Variants in RCOR1 observed in about 807,000 individuals in gnomAD.
RCOR1 encodes the protein REST corepressor.
Under a neutral mutation model 64.0 loss-of-function variants are expected in RCOR1, and 12 were observed. That is an observed-to-expected ratio of 0.19 (90% CI 0.12 to 0.30). RCOR1 has a LOEUF of 0.30. Ranked by LOEUF, RCOR1 falls within the 10% of genes least tolerant of loss-of-function variation. RCOR1 has a pLI of 1.00. For missense variants in RCOR1, 502 were observed against 621.2 expected (o/e 0.81, Z 2.04); for synonymous variants, 279 against 227.2 (o/e 1.23, Z -2.05).
At chr14:102,597,817 ATT>A (rs563390894) in intron 2 of RCOR1, among the ~76,000 whole-genome samples, 2 of 135,282 alleles carry the variant, frequency 1.5e-5, no homozygotes, top group Non-Finnish European at 1.6e-5. Context: ...TATTTTTGCA[ATT>A]TTTTTTTTTT....
At chr14:102,720,864 C>T (rs1896156852) in intron 8 of RCOR1, 143 bp from the exon 9 acceptor site, 1 of 551,046 alleles carries the variant, frequency 1.8e-6, no homozygotes, top group African/African-American at 2.0e-5. Context: ...CAAAGGATAC[C>T]ATAGGGATCT....
intron 2 of RCOR1, among the ~76,000 whole-genome samples, chr14:102,664,476 T>C (rs992759432): frequency 1.3e-5 from 2 of 152,226 alleles, no homozygotes; most frequent in African/African-American, 4.8e-5. Flanking sequence ...TTGCAAATCA[T>C]AGTATTTTTG....
chr14:102,706,142 A>AAAC (rs1281591870), intron 4 of RCOR1, among the ~76,000 whole-genome samples: 10 of 138,644 alleles, frequency 7.2e-5, no homozygotes, highest in African/African-American at 2.7e-4. Context: ...AAAAAAAAAA[A>AAAC]CCTAAAAAAA....
chr14:102,634,601 C>CATGTGTGTGT (rs35215502), intron 2 of RCOR1, among the ~76,000 whole-genome samples: 37 of 150,724 alleles, frequency 2.5e-4, no homozygotes, highest in African/African-American at 9.1e-4. Context: ...GTTTATATTA[C>CATGTGTGTGT]GTGTGTGTGT....
At chr14:102,723,208 T>G (rs1187794588) in intron 11 of RCOR1, among the ~76,000 whole-genome samples, 3 of 152,252 alleles carry the variant, frequency 2.0e-5, no homozygotes, top group Non-Finnish European at 4.4e-5. Flanking sequence ...GAAAGTCACT[T>G]TCACATCAAA....
intron 2 of RCOR1, among the ~76,000 whole-genome samples, chr14:102,668,165 ACAT>A (rs1256436238): frequency 6.6e-6 from 1 of 152,202 alleles, no homozygotes; most frequent in African/African-American, 2.4e-5. Context: ...TAATTCCTCT[ACAT>A]CACATCCTCT....
intron 2 of RCOR1, among the ~76,000 whole-genome samples, chr14:102,649,227 G>C (rs1372951401): frequency 2.6e-5 from 4 of 152,130 alleles, no homozygotes; most frequent in Non-Finnish European, 5.9e-5. Context: ...ACAACAGAAT[G>C]CAACAGGATT....
At chr14:102,689,118 C>T (rs1384584449) in intron 3 of RCOR1, among the ~76,000 whole-genome samples, 3 of 152,204 alleles carry the variant, frequency 2.0e-5, no homozygotes, top group Admixed American at 6.5e-5. Flanking sequence ...TGAACGTTAA[C>T]AAAGTGGGCG....
At chr14:102,707,768 C>T (rs1331512829) in intron 5 of RCOR1, among the ~76,000 whole-genome samples, 1 of 131,116 alleles carries the variant, frequency 7.6e-6, no homozygotes, top group Non-Finnish European at 1.6e-5. Context: ...CTTGTTGGGA[C>T]TCCCAAAAGA....
intron 2 of RCOR1, among the ~76,000 whole-genome samples, chr14:102,665,126 C>A (rs1292016659): frequency 6.6e-6 from 1 of 152,092 alleles, no homozygotes; most frequent in Non-Finnish European, 1.5e-5. Context: ...CTGCCTCAGC[C>A]TCCCGAGTAG....
rs181772448 is a variant in RCOR1 at position 102,700,224 on chromosome 14, T to C, written c.446-1054T>C. 5.4e-3 allele frequency among the ~76,000 whole-genome samples: 820 copies of C among 150,620 alleles called. 6 individuals are homozygous for C. Among genetic ancestry groups the C allele is most frequent in the Middle Eastern group, 0.02 (6 of 294 alleles). ...AGAACTAAAGATTTTGTCTTCCTTTTCCCTTTTTCTTTTTTTGAGACAGAG... is the reference window on the plus strand; with the variant it reads ...AGAACTAAAGATTTTGTCTTCCTTTCCCCTTTTTCTTTTTTTGAGACAGAG... On this transcript the variant is annotated intron_variant, in intron 3 of 11. Coordinates refer to ENST00000262241, the MANE Select transcript of RCOR1 (RefSeq NM_015156.4).
chr14:102,604,237 A>G (rs1300708763), intron 2 of RCOR1, among the ~76,000 whole-genome samples: 4 of 152,202 alleles, frequency 2.6e-5, no homozygotes, highest in Non-Finnish European at 4.4e-5. Flanking sequence ...TTTGCCTAGT[A>G]TATAGTTATA....
chr14:102,683,198 T>C (rs1389811159), intron 3 of RCOR1, among the ~76,000 whole-genome samples: 1 of 152,206 alleles, frequency 6.6e-6, no homozygotes, highest in African/African-American at 2.4e-5. Context: ...GTTTTAAGTT[T>C]AAAGTTGGTT....
intron 8 of RCOR1, among the ~76,000 whole-genome samples, chr14:102,717,468 A>C (rs1265782534): frequency 6.6e-6 from 1 of 152,180 alleles, no homozygotes; most frequent in Admixed American, 6.5e-5. Context: ...GCTGCACTCT[A>C]ATCTTAGGAG....
At chr14:102,623,174 A>G (rs1247698979) in intron 2 of RCOR1, among the ~76,000 whole-genome samples, 1 of 151,970 alleles carries the variant, frequency 6.6e-6, no homozygotes, top group Non-Finnish European at 1.5e-5. Context: ...TTATTGATAT[A>G]TCTGTATTTA....
At chr14:102,655,692 C>T (rs1176331079) in intron 2 of RCOR1, 1 of 216,358 alleles carries the variant, frequency 4.6e-6, no homozygotes, top group Non-Finnish European at 7.9e-6. Context: ...GTGGCTCATA[C>T]CTGTAATCCT....
intron 2 of RCOR1, among the ~76,000 whole-genome samples, chr14:102,653,273 T>TA (rs963211853): frequency 1.7e-4 from 26 of 151,906 alleles, no homozygotes; most frequent in Middle Eastern, 3.4e-3. Flanking sequence ...GGCTGGAGTG[T>TA]AGTGGTGCAA....
intron 2 of RCOR1, among the ~76,000 whole-genome samples, chr14:102,637,325 C>A (rs1033371636): frequency 2.0e-5 from 3 of 151,894 alleles, no homozygotes; most frequent in Non-Finnish European, 4.4e-5. Context: ...CGGGGTTTTA[C>A]TATGTTGGTG....
chr14:102,691,554 T>A (rs1024035598), intron 3 of RCOR1, among the ~76,000 whole-genome samples: 31 of 152,248 alleles, frequency 2.0e-4, no homozygotes, highest in African/African-American at 7.0e-4. Flanking sequence ...TTCAGCTTTT[T>A]AAAAATATAT....
Sources: gnomAD v4.1 joint callset for allele counts (sites outside exome capture counted in the v4.1 genomes callset) on GRCh38, gnomAD v4.1.1 for gene constraint, MANE v1.5 for transcripts, NCBI Gene and HGNC (gene_info 2026-07-23, HGNC 2026-07-21) for gene names.